The following CRIM1 variants were observed in gnomAD, a reference collection of about 807,000 sequenced individuals.
The protein encoded by CRIM1 is cysteine-rich motor neuron 1 protein.
Under a neutral mutation model 116.4 loss-of-function variants are expected in CRIM1, and 32 were observed. That is an observed-to-expected ratio of 0.27 (90% CI 0.21 to 0.37). CRIM1 has a LOEUF of 0.37. Among genes scored for constraint, CRIM1 ranks in the 10% least tolerant of loss-of-function variants. The pLI is 1.00. For synonymous variants in CRIM1, 590 were observed against 509.2 expected (o/e 1.16, Z -2.13); for missense variants, 1,331 against 1,354.8 (o/e 0.98, Z 0.28).
At chr2:36,473,384 AT>A (rs2125031063) in intron 5 of CRIM1, among the ~76,000 whole-genome samples, 1 of 152,198 alleles carries the variant, frequency 6.6e-6, no homozygotes, top group East Asian at 1.9e-4. Context: ...ACACCATGCA[AT>A]TTACCAACTT....
At chr2:36,509,354 G>A (rs572097832) in intron 8 of CRIM1, among the ~76,000 whole-genome samples, 2 of 152,112 alleles carry the variant, frequency 1.3e-5, no homozygotes. Flanking sequence ...AGGCGAAACC[G>A]CATCTCTACT....
intron 14 of CRIM1, among the ~76,000 whole-genome samples, chr2:36,539,399 A>T (rs1022661973): frequency 3.3e-5 from 5 of 152,130 alleles, no homozygotes; most frequent in African/African-American, 1.2e-4. Flanking sequence ...AGGAGGTAAG[A>T]GGTGGGGCAG....
chr2:36,525,733 A>G (rs1665713969), intron 13 of CRIM1, among the ~76,000 whole-genome samples: 1 of 152,142 alleles, frequency 6.6e-6, no homozygotes, highest in African/African-American at 2.4e-5. Context: ...GGGCTCTTCC[A>G]TGGATGAATG....
intron 5 of CRIM1, 140 bp from the exon 6 acceptor site, chr2:36,476,749 T>C (rs1316760179): frequency 6.0e-6 from 4 of 667,636 alleles, no homozygotes; most frequent in African/African-American, 5.5e-5. Flanking sequence ...TTCTGTTACA[T>C]GAACTTACAT....
chr2:36,477,085 C>A lies in CRIM1; in HGVS notation c.1174+14C>A. On this transcript the variant is annotated intron_variant, in intron 6 of 16. Transcript: ENST00000280527. ...CAGTGTGTGAAGGTAAGAAAAGGTG[C>A]TAATTACAGATTAACAGGAGCATAC... 6.3e-7 allele frequency: 1 copy of A among 1,588,528 alleles called. No homozygotes were observed. Among genetic ancestry groups the A allele is most frequent in the Non-Finnish European group, 8.6e-7 (1 of 1,165,412 alleles).
At chr2:36,506,341 A>T (rs973171249) in intron 8 of CRIM1, among the ~76,000 whole-genome samples, 1 of 152,012 alleles carries the variant, frequency 6.6e-6, no homozygotes, top group Non-Finnish European at 1.5e-5. Flanking sequence ...AGTGGCCCCA[A>T]CCGAGAACTG....
chr2:36,534,021 G>C (rs1666305667), intron 13 of CRIM1, among the ~76,000 whole-genome samples: 1 of 144,346 alleles, frequency 6.9e-6, no homozygotes, highest in Non-Finnish European at 1.5e-5. Flanking sequence ...GAGGGAGGGA[G>C]GGTGAAAAGG....
At chr2:36,510,560 A>G (rs542666245) in intron 9 of CRIM1, among the ~76,000 whole-genome samples, 3 of 152,308 alleles carry the variant, frequency 2.0e-5, no homozygotes, top group Non-Finnish European at 2.9e-5. Flanking sequence ...CTCACTTGAA[A>G]TACAGTGCAT....
chr2:36,478,670 A>G (rs114335985), intron 6 of CRIM1, among the ~76,000 whole-genome samples: 1,622 of 152,262 alleles, frequency 0.011, 31 homozygotes, highest in African/African-American at 0.038. Flanking sequence ...ACCAAACTCT[A>G]TGAACTGTCT....
intron 7 of CRIM1, among the ~76,000 whole-genome samples, chr2:36,485,686 C>T (rs1281639327): frequency 6.6e-6 from 1 of 152,166 alleles, no homozygotes; most frequent in Non-Finnish European, 1.5e-5. Flanking sequence ...CATAGTTTGG[C>T]TGACCCCAAG....
chr2:36,379,147 C>T (rs1670542841), intron 1 of CRIM1: 1 of 152,044 alleles, frequency 6.6e-6, no homozygotes, highest in Non-Finnish European at 1.5e-5. Flanking sequence ...TTTTAGGTCT[C>T]TGTGTTCCAG....
rs376391557 is a variant in CRIM1, at chr2:36,528,686, G to A, written c.2428+6373G>A. On this transcript the variant is annotated intron_variant, in intron 13 of 16. Coordinates refer to ENST00000280527, the MANE Select transcript of CRIM1 (RefSeq NM_016441.3). The stretch of plus-strand genomic sequence containing the variant: ...GGAGGCCCAGGTTGTCACAGTTAGT[G>A]CTAAAAAGATTGAAACAAAAGATGA... Among the ~76,000 whole-genome samples, 104 of 152,308 alleles carry A rather than the reference G, an allele frequency of 6.8e-4. 4 individuals are homozygous for A. The South Asian group carries it at 0.02, about 29-fold the overall frequency.
intron 13 of CRIM1, among the ~76,000 whole-genome samples, chr2:36,527,709 T>G (rs1665848902): frequency 6.6e-6 from 1 of 152,236 alleles, no homozygotes; most frequent in Admixed American, 6.5e-5. Flanking sequence ...CATTGTGTAT[T>G]TAATTCAGCC....
chr2:36,452,792 AATCCGAGTGGTCATGGAT>A (rs1368238782), intron 4 of CRIM1, among the ~76,000 whole-genome samples: 2 of 152,148 alleles, frequency 1.3e-5, no homozygotes, highest in African/African-American at 4.8e-5. Context: ...CTTCCAGTTT[AATCCGAGTGGTCATGGAT>A]ATCACCAGAC....
intron 7 of CRIM1, among the ~76,000 whole-genome samples, chr2:36,496,826 T>TA (rs1260652152): frequency 6.6e-6 from 1 of 152,224 alleles, no homozygotes; most frequent in East Asian, 1.9e-4. Context: ...GATCCTCAAA[T>TA]AACCCAGTCC....
intron 4 of CRIM1, among the ~76,000 whole-genome samples, chr2:36,462,635 A>G (rs1572790065): frequency 1.3e-5 from 2 of 152,222 alleles, no homozygotes; most frequent in African/African-American, 2.4e-5. Context: ...GTGGAATCAT[A>G]GAAGATTTGT....
intron 2 of CRIM1, among the ~76,000 whole-genome samples, chr2:36,437,015 A>C (rs1231090536): frequency 1.3e-5 from 2 of 152,256 alleles, no homozygotes; most frequent in Admixed American, 1.3e-4. Flanking sequence ...TGTTTGTATA[A>C]TAACTCTTTA....
At chr2:36,471,825 C>T (rs893740276) in intron 5 of CRIM1, among the ~76,000 whole-genome samples, 1 of 152,138 alleles carries the variant, frequency 6.6e-6, no homozygotes, top group African/African-American at 2.4e-5. Flanking sequence ...GGCCCGCAGG[C>T]TGCAGGTTAG....
chr2:36,372,963 T>C (rs564813644), intron 1 of CRIM1, among the ~76,000 whole-genome samples: 1 of 152,274 alleles, frequency 6.6e-6, no homozygotes, highest in East Asian at 1.9e-4. Context: ...GATTTTCCTA[T>C]AACTCGTTAA....
Sources: allele counts gnomAD v4.1 joint callset (sites outside exome capture counted in the v4.1 genomes callset), GRCh38; gene constraint gnomAD v4.1.1; transcripts MANE v1.5; gene names NCBI Gene and HGNC (gene_info 2026-07-23, HGNC 2026-07-21).